HS3ST5: variants seen among roughly 807,000 people sequenced by gnomAD.
The protein encoded by HS3ST5 is heparan sulfate glucosamine 3-O-sulfotransferase 5.
Under a neutral mutation model 25.4 loss-of-function variants are expected in HS3ST5, and 10 were observed. That is an observed-to-expected ratio of 0.39 (90% CI 0.24 to 0.67). The LOEUF (loss-of-function observed/expected upper bound fraction) is 0.67. HS3ST5 is among the 30% of genes least tolerant of loss of function. The pLI is 0.44. For missense variants in HS3ST5, 324 were observed against 420.7 expected, an observed-to-expected ratio of 0.77 and a Z score of 2.01; for synonymous variants, 170 against 162.4, an observed-to-expected ratio of 1.05 and a Z score of -0.36.
In HS3ST5 at chr6:114,234,052, G is replaced by A. The variant is rs78230653; in HGVS notation, c.-338-5274C>T. 1.9e-3 allele frequency among the ~76,000 whole-genome samples: 294 copies of A among 152,226 alleles called. 2 individuals carry two copies. Among genetic ancestry groups the A allele is most frequent in the East Asian group, 3.3e-3 (17 of 5,172 alleles). The stretch of plus-strand genomic sequence containing the variant: ...GATAATGTTTTCCAAGTTGGAGAAC[G>A]GTAGGCAGAATTGGGATTGAAGAGA... On this transcript the variant is annotated intron_variant, in intron 1 of 4. Transcript: ENST00000312719.
At chr6:114,147,886 A>G (rs1778249157) in intron 3 of HS3ST5, among the ~76,000 whole-genome samples, 1 of 152,080 alleles carries the variant, frequency 6.6e-6, no homozygotes, top group Admixed American at 6.6e-5. Flanking sequence ...TGGCAGAGAA[A>G]TAAACTTCTC....
intron 2 of HS3ST5, among the ~76,000 whole-genome samples, chr6:114,212,167 G>A (rs528537606): frequency 9.8e-5 from 15 of 152,334 alleles, no homozygotes; most frequent in African/African-American, 3.6e-4. Flanking sequence ...CTGACTGGGA[G>A]TTAATAGGAT....
At chr6:114,255,423 C>T (rs376934560) in intron 1 of HS3ST5, among the ~76,000 whole-genome samples, 21 of 152,220 alleles carry the variant, frequency 1.4e-4, no homozygotes, top group South Asian at 4.2e-4. Flanking sequence ...TCCAGGTGCA[C>T]GGTCAGCTGT....
intron 3 of HS3ST5, among the ~76,000 whole-genome samples, chr6:114,064,595 T>C (rs1236205819): frequency 3.3e-5 from 5 of 152,234 alleles, no homozygotes; most frequent in East Asian, 1.9e-4. Context: ...CAAATACTTA[T>C]GGAACATGTC....
In HS3ST5 at chr6:114,120,358, C is replaced by T. The variant is rs73536649; in HGVS notation, c.-33+47993G>A. On this transcript the variant is annotated intron_variant, in intron 3 of 4. Coordinates refer to ENST00000312719, the MANE Select transcript of HS3ST5 (RefSeq NM_153612.4). ...AGAGAAATGAAGTAATTTAGCCCTA[C>T]ATTTATACAGTAATTGTCCAAACTA... Among the ~76,000 whole-genome samples, 573 of 152,270 alleles carry T rather than the reference C, an allele frequency of 3.8e-3. 4 individuals are homozygous for T. Among genetic ancestry groups the T allele is most frequent in the African/African-American group, 0.013 (537 of 41,548 alleles).
intron 3 of HS3ST5, among the ~76,000 whole-genome samples, chr6:114,119,490 G>A (rs1776680007): frequency 6.6e-6 from 1 of 152,180 alleles, no homozygotes; most frequent in South Asian, 2.1e-4. Flanking sequence ...GAAGAACTGT[G>A]TAATGTTAAG....
intron 1 of HS3ST5, among the ~76,000 whole-genome samples, chr6:114,280,465 G>A (rs970880663): frequency 2.0e-5 from 3 of 152,126 alleles, no homozygotes; most frequent in Admixed American, 6.5e-5. Context: ...CAGGCAGAGG[G>A]ACACATTGCT....
chr6:114,260,743 A>G (rs1002554409), intron 1 of HS3ST5, among the ~76,000 whole-genome samples: 1 of 152,240 alleles, frequency 6.6e-6, no homozygotes, highest in African/African-American at 2.4e-5. Flanking sequence ...CAGGTGTTCT[A>G]GGCAAAAGGG....
rs1398884791 is a variant in HS3ST5, at chr6:114,342,705, G to C, written c.-849C>G. 4 of 152,612 alleles carry C rather than the reference G, an allele frequency of 2.6e-5. No homozygotes were observed. Among genetic ancestry groups the C allele is most frequent in the African/African-American group, 9.6e-5 (4 of 41,462 alleles). The allele number at this position is 152,612 out of a possible 1,614,324, so 9.5% of individuals were successfully genotyped here. Reference sequence around the variant, plus strand: ...CAGCCCCGGACCCTGCGCGCAGAGGGCGAGACTTCGGGCGTCCTCGGTGAC... The same window carrying C: ...CAGCCCCGGACCCTGCGCGCAGAGGCCGAGACTTCGGGCGTCCTCGGTGAC... On this transcript the variant is annotated 5_prime_UTR_variant, in exon 1 of 5. Transcript: ENST00000312719.
At chr6:114,094,403 G>GCTT in intron 3 of HS3ST5, among the ~76,000 whole-genome samples, 1 of 152,180 alleles carries the variant, frequency 6.6e-6, no homozygotes, top group South Asian at 2.1e-4. Context: ...TTTGCTCTTT[G>GCTT]ATAGTTTCCA....
intron 1 of HS3ST5, among the ~76,000 whole-genome samples, chr6:114,264,056 A>G: frequency 6.6e-6 from 1 of 152,194 alleles, no homozygotes; most frequent in Non-Finnish European, 1.5e-5. Context: ...GTGTCTAAAC[A>G]AATACTTTTT....
At chr6:114,279,856 G>A (rs1314124680) in intron 1 of HS3ST5, among the ~76,000 whole-genome samples, 1 of 152,006 alleles carries the variant, frequency 6.6e-6, no homozygotes, top group Non-Finnish European at 1.5e-5. Context: ...ATATTACTAT[G>A]TAGAAGCACT....
chr6:114,059,934 C>G (rs1773000655), intron 4 of HS3ST5: 1 of 152,192 alleles, frequency 6.6e-6, no homozygotes, highest in Non-Finnish European at 1.5e-5. Context: ...TCAATGTATA[C>G]TACTTTTCAC....
chr6:114,115,827 G>T (rs1382520027), intron 3 of HS3ST5, among the ~76,000 whole-genome samples: 1 of 152,026 alleles, frequency 6.6e-6, no homozygotes, highest in Admixed American at 6.6e-5. Context: ...AAGTATTTTA[G>T]TGTCTCTGTG....
chr6:114,255,060 T>C (rs1178865161), intron 1 of HS3ST5, among the ~76,000 whole-genome samples: 2 of 152,210 alleles, frequency 1.3e-5, no homozygotes, highest in Non-Finnish European at 2.9e-5. Flanking sequence ...GAGACAATGC[T>C]AGTGACTTCC....
chr6:114,125,688 A>G (rs559922250), intron 3 of HS3ST5, among the ~76,000 whole-genome samples: 1 of 152,334 alleles, frequency 6.6e-6, no homozygotes, highest in African/African-American at 2.4e-5. Flanking sequence ...CCACCTGATT[A>G]ATAGATACCC....
At chr6:114,185,138 G>T (rs770237278) in intron 2 of HS3ST5, among the ~76,000 whole-genome samples, 1 of 152,140 alleles carries the variant, frequency 6.6e-6, no homozygotes, top group Non-Finnish European at 1.5e-5. Flanking sequence ...GGGATGAAAT[G>T]AATGTATTTT....
intron 1 of HS3ST5, among the ~76,000 whole-genome samples, chr6:114,282,391 T>C (rs1359572260): frequency 6.6e-6 from 1 of 151,966 alleles, no homozygotes; most frequent in African/African-American, 2.4e-5. Flanking sequence ...ATCCAGAGAA[T>C]TGACTTTATA....
intron 3 of HS3ST5, among the ~76,000 whole-genome samples, 184 bp downstream of exon 3, chr6:114,168,167 A>G (rs527332378): frequency 1.8e-4 from 28 of 152,194 alleles, no homozygotes; most frequent in Non-Finnish European, 3.5e-4. Flanking sequence ...GGCAGGAAGC[A>G]GTTTAAAGTG....
Sources: gnomAD v4.1 joint callset for allele counts (sites outside exome capture counted in the v4.1 genomes callset) on GRCh38, gnomAD v4.1.1 for gene constraint, MANE v1.5 for transcripts, NCBI Gene and HGNC (gene_info 2026-07-23, HGNC 2026-07-21) for gene names.